Variants in CNTNAP5 observed in about 807,000 individuals in gnomAD.
CNTNAP5 encodes contactin-associated protein-like 5.
A neutral mutation model predicts 150.2 loss-of-function variants in CNTNAP5; 72 were observed. That is an observed-to-expected ratio of 0.48 (90% confidence interval 0.40 to 0.58). The LOEUF is 0.58. CNTNAP5 is among the 20% of genes least tolerant of loss of function. The pLI, the probability that CNTNAP5 is intolerant of heterozygous loss-of-function variation, is 0.00. For synonymous variants in CNTNAP5, 672 were observed against 619.8 expected (o/e 1.08, Z -1.25); for missense variants, 1,636 against 1,626.2 (o/e 1.01, Z -0.10).
At chr2:124,843,149 C>G (rs956959831) in intron 19 of CNTNAP5, among the ~76,000 whole-genome samples, 1 of 152,000 alleles carries the variant, frequency 6.6e-6, no homozygotes, top group Admixed American at 6.6e-5. Context: ...TGAGAACATA[C>G]AATGTTTGGT....
intron 17 of CNTNAP5, among the ~76,000 whole-genome samples, chr2:124,784,192 G>T (rs73955817): frequency 0.034 from 5,120 of 152,210 alleles, 286 homozygotes; most frequent in African/African-American, 0.12. Context: ...AGGATGGAAA[G>T]GTGGCACTGT....
intron 13 of CNTNAP5, among the ~76,000 whole-genome samples, chr2:124,705,623 G>A (rs1409588264): frequency 6.6e-6 from 1 of 151,882 alleles, no homozygotes; most frequent in African/African-American, 2.4e-5. Flanking sequence ...AATTAATGGG[G>A]GTTGACATTA....
At chr2:124,701,803 T>C (rs1332486271) in intron 13 of CNTNAP5, among the ~76,000 whole-genome samples, 1 of 152,158 alleles carries the variant, frequency 6.6e-6, no homozygotes, top group Non-Finnish European at 1.5e-5. Context: ...GCTGGCCTTT[T>C]TATGTCTTCT....
At chr2:124,638,476 T>G (rs1044096850) in intron 12 of CNTNAP5, among the ~76,000 whole-genome samples, 8 of 152,138 alleles carry the variant, frequency 5.3e-5, no homozygotes, top group African/African-American at 1.9e-4. Context: ...TTTTTCTTTT[T>G]TATAGTTATT....
chr2:124,733,499 A>C (rs1680318210), intron 13 of CNTNAP5, among the ~76,000 whole-genome samples: 1 of 152,160 alleles, frequency 6.6e-6, no homozygotes, highest in South Asian at 2.1e-4. Flanking sequence ...CTATTCCTGC[A>C]GGAAAGAATT....
intron 1 of CNTNAP5, among the ~76,000 whole-genome samples, chr2:124,135,986 C>T (rs377201913): frequency 6.6e-6 from 1 of 152,132 alleles, no homozygotes; most frequent in African/African-American, 2.4e-5. Context: ...TGGCGTTGAA[C>T]CTTAAATCTA....
At position 124,915,254 on chromosome 2, in the gene CNTNAP5, C is replaced by T. The variant is rs1678741745; in HGVS notation, c.*966C>T. ...TACACACACGCACACATATATGTTG[C>T]TGCAGCATAAAGAAATTGAAATAAA... is the stretch of plus-strand genomic sequence containing the variant. On this transcript the variant is annotated 3_prime_UTR_variant, in exon 24 of 24. Coordinates refer to ENST00000682447, the MANE Select transcript of CNTNAP5 (RefSeq NM_001367498.1). 6.0e-6 allele frequency: 1 copy of T among 165,654 alleles called. No individual in the cohort carries two copies. Among genetic ancestry groups the T allele is most frequent in the Non-Finnish European group, 1.5e-5 (1 of 67,774 alleles). 10.3% of individuals were successfully genotyped at this position (165,654 alleles called of 1,614,324 possible). A position where few individuals can be genotyped will look rare whatever the true frequency, so the allele number is the denominator to read the frequency against.
intron 1 of CNTNAP5, among the ~76,000 whole-genome samples, chr2:124,192,959 G>A (rs927078553): frequency 1.3e-5 from 2 of 152,134 alleles, no homozygotes; most frequent in African/African-American, 4.8e-5. Context: ...TACTTCCTCT[G>A]AAGCCTCTGA....
intron 10 of CNTNAP5, among the ~76,000 whole-genome samples, chr2:124,527,702 T>C (rs895923974): frequency 6.6e-5 from 10 of 152,158 alleles, no homozygotes; most frequent in Admixed American, 2.0e-4. Context: ...AAATACAAAT[T>C]TGTGAAAGGA....
chr2:124,479,218 C>T (rs1455079393), intron 7 of CNTNAP5, among the ~76,000 whole-genome samples: 1 of 152,098 alleles, frequency 6.6e-6, no homozygotes, highest in Non-Finnish European at 1.5e-5. Context: ...TGTACAGTAC[C>T]TGTAATATGG....
intron 1 of CNTNAP5, among the ~76,000 whole-genome samples, chr2:124,142,899 C>G (rs908336113): frequency 4.0e-5 from 6 of 148,948 alleles, no homozygotes; most frequent in African/African-American, 1.3e-4. Flanking sequence ...GCTAGCAAGA[C>G]TAATAAAGCA....
At chr2:124,732,533 G>T (rs1680293979) in intron 13 of CNTNAP5, among the ~76,000 whole-genome samples, 2 of 152,094 alleles carry the variant, frequency 1.3e-5, no homozygotes, top group Admixed American at 1.3e-4. Context: ...CAACAAGGCA[G>T]TTTCCCTGAT....
At chr2:124,438,247 A>G (rs545850049) in intron 5 of CNTNAP5, among the ~76,000 whole-genome samples, 1 of 152,232 alleles carries the variant, frequency 6.6e-6, no homozygotes, top group Non-Finnish European at 1.5e-5. Flanking sequence ...TTCTTCTTTC[A>G]ATCCATAAGG....
intron 11 of CNTNAP5, among the ~76,000 whole-genome samples, chr2:124,583,282 A>G (rs549109314): frequency 6.6e-6 from 1 of 152,346 alleles, no homozygotes; most frequent in African/African-American, 2.4e-5. Context: ...GAGCAGGAAT[A>G]CTCAGGGAAG....
intron 21 of CNTNAP5, among the ~76,000 whole-genome samples, chr2:124,892,038 G>C (rs1171669021): frequency 6.6e-6 from 1 of 152,086 alleles, no homozygotes; most frequent in African/African-American, 2.4e-5. Context: ...TCTATGGAGA[G>C]GGAAGTATAA....
chr2:124,837,683 GTAAA>G (rs1043651614), intron 19 of CNTNAP5, among the ~76,000 whole-genome samples: 12 of 152,214 alleles, frequency 7.9e-5, no homozygotes, highest in Non-Finnish European at 1.6e-4. Flanking sequence ...TTACAAAACA[GTAAA>G]TAAATAAGAA....
rs371277088 is a variant in CNTNAP5 at position 124,175,615 on chromosome 2, A to G, written c.83-46090A>G. 3.3e-5 allele frequency among the ~76,000 whole-genome samples: 5 copies of G among 152,102 alleles called. No homozygotes were observed. The East Asian group carries it at 7.8e-4, about 24-fold the overall frequency. The stretch of plus-strand genomic sequence containing the variant: ...CCCACCCAAGTAGTCCCCATTCTCT[A>G]TTGTTCTCATCTTTATGGACACCAC... On this transcript the variant is annotated intron_variant, in intron 1 of 23. Coordinates refer to ENST00000682447, the MANE Select transcript of CNTNAP5 (RefSeq NM_001367498.1).
intron 3 of CNTNAP5, among the ~76,000 whole-genome samples, chr2:124,262,445 C>T (rs1687482918): frequency 6.6e-6 from 1 of 152,142 alleles, no homozygotes; most frequent in Non-Finnish European, 1.5e-5. Context: ...GTCATCTTTG[C>T]TAACATTGCT....
chr2:124,480,848 A>G (rs1055211969), intron 7 of CNTNAP5, among the ~76,000 whole-genome samples: 1 of 152,170 alleles, frequency 6.6e-6, no homozygotes, highest in Non-Finnish European at 1.5e-5. Flanking sequence ...CCCAGCAAAA[A>G]TCATTTCCAA....
Sources: gnomAD v4.1 joint callset for allele counts (sites outside exome capture counted in the v4.1 genomes callset) on GRCh38, gnomAD v4.1.1 for gene constraint, MANE v1.5 for transcripts, NCBI Gene and HGNC (gene_info 2026-07-23, HGNC 2026-07-21) for gene names.